Variants in EXD3 observed in about 807,000 individuals in gnomAD.
EXD3 encodes exonuclease 3'-5' domain containing 3, also known as exonuclease mut-7 homolog.
In EXD3, 92 loss-of-function variants were observed where a neutral mutation model predicts 98.0. The observed-to-expected ratio is 0.94, with a 90% CI of 0.79 to 1.12. The LOEUF is 1.12. EXD3 is among the 50% of genes most tolerant of loss of function. The pLI is 0.00. For synonymous variants in EXD3, 569 were observed against 526.0 expected, an observed-to-expected ratio of 1.08 and a Z score of -1.12; for missense variants, 1,222 against 1,191.6, an observed-to-expected ratio of 1.03 and a Z score of -0.38.
chr9:137,378,565 G>C (rs1554729826), intron 3 of EXD3, among the ~76,000 whole-genome samples: 1 of 152,186 alleles, frequency 6.6e-6, no homozygotes, highest in East Asian at 1.9e-4. Context: ...TGAATTTTCA[G>C]AGAAGTACTT....
chr9:137,370,564 G>T (rs566427272), intron 5 of EXD3, among the ~76,000 whole-genome samples: 1 of 150,632 alleles, frequency 6.6e-6, no homozygotes, highest in Non-Finnish European at 1.5e-5. Context: ...GGGTGGGGCT[G>T]TAGAAACCTC....
At chr9:137,309,423 CCCTGGCTGTGGTTTTTCCACCTGTTGTCA>C (rs1326236443) in intron 20 of EXD3, among the ~76,000 whole-genome samples, 155 bp downstream of exon 20, 11 of 152,302 alleles carry the variant, frequency 7.2e-5, no homozygotes, top group East Asian at 5.8e-4. Context: ...GGGTACCTGA[CCCTGGCTGTGGTTTTTCCACCTGTTGTCA>C]CCTGGCTGTG....
At position 137,403,906 on chromosome 9, in the gene EXD3, G is replaced by A. The variant is rs967512486; in HGVS notation, c.-47-8502C>T. On this transcript the variant is annotated intron_variant, in intron 1 of 21. Coordinates refer to ENST00000340951, the MANE Select transcript of EXD3 (RefSeq NM_017820.5). This position sits in a 1 kb window ranked among gnomAD's most constrained non-coding sequence, Gnocchi z 6.1. ...CGAGGCGGGGCAGTCACACCCCCACGCCATCTCTGCATAGACCCCGAAGGA... is the reference window on the plus strand; with the variant it reads ...CGAGGCGGGGCAGTCACACCCCCACACCATCTCTGCATAGACCCCGAAGGA... Among the ~76,000 whole-genome samples, 5 of 152,140 alleles carry A rather than the reference G, an allele frequency of 3.3e-5. No individual in the cohort carries two copies. Among genetic ancestry groups the A allele is most frequent in the Admixed American group, 2.0e-4 (3 of 15,276 alleles).
At chr9:137,330,513 CGCAGGACCACACAGGAGCTAT>C (rs1564482033) in intron 17 of EXD3, among the ~76,000 whole-genome samples, 118 of 143,478 alleles carry the variant, frequency 8.2e-4, no homozygotes, top group East Asian at 1.7e-3. Flanking sequence ...CACAGGACTA[CGCAGGACCACACAGGAGCTAT>C]ACAGGAGCTA....
At chr9:137,390,019 A>G (rs11522294) in intron 2 of EXD3, among the ~76,000 whole-genome samples, 69,713 of 148,658 alleles carry the variant, frequency 0.47, 16,400 homozygotes, top group Middle Eastern at 0.52. Flanking sequence ...CTACTCAGGA[A>G]GCTGAGGCAG....
intron 17 of EXD3, among the ~76,000 whole-genome samples, chr9:137,333,617 G>A (rs1272203591): frequency 1.3e-5 from 2 of 152,078 alleles, no homozygotes; most frequent in Non-Finnish European, 2.9e-5. Flanking sequence ...GTCCTTGCCT[G>A]GTCGTTTAAA....
chr9:137,417,914 G>A (rs764083504), intron 1 of EXD3, among the ~76,000 whole-genome samples: 40 of 152,148 alleles, frequency 2.6e-4, no homozygotes, highest in Non-Finnish European at 4.9e-4. Context: ...TGGCGGGGCC[G>A]GAGGGGGTGA....
At position 137,348,223 on chromosome 9, in the gene EXD3, C is replaced by T; in HGVS notation, c.1846G>A (p.Ala616Thr). Residue 616 changes from alanine (A) to threonine (T), a missense_variant, in exon 17 of 22, where the codon GCT (alanine) becomes ACT (threonine). By Grantham distance (58) the Ala-to-Thr change is moderately conservative (BLOSUM62 0). Coordinates refer to ENST00000340951, the MANE Select transcript of EXD3 (RefSeq NM_017820.5). ...AAPRQVPVAVAVSEGAAPQIP... is the reference protein window; with the variant it reads ...AAPRQVPVAVTVSEGAAPQIP... ...TGAGGGGCAGCGCCCTCAGACACAG[C>T]CACAGCCACAGGGACCTGCAGTGAG... The T allele has an allele frequency of 1.9e-6, 3 of 1,611,382 alleles. No individual in the cohort carries two copies. Among genetic ancestry groups the T allele is most frequent in the Non-Finnish European group, 2.5e-6 (3 of 1,179,464 alleles).
intron 8 of EXD3, among the ~76,000 whole-genome samples, chr9:137,355,730 G>GGAGGAAGGAGGAAGGAGGA (rs1491398803): frequency 6.6e-6 from 1 of 151,630 alleles, no homozygotes. Context: ...AAGGAGGAAG[G>GGAGGAAGGAGGAAGGAGGA]AGGACCTAGA....
chr9:137,312,230 AC>A (rs1266869262), intron 19 of EXD3, among the ~76,000 whole-genome samples: 1 of 142,320 alleles, frequency 7.0e-6, no homozygotes, highest in East Asian at 2.4e-4. Context: ...CCTCCACCCC[AC>A]CCCCTCCAGT....
At chr9:137,354,625 A>G in intron 9 of EXD3, 75 bp downstream of exon 9, 1 of 1,593,870 alleles carries the variant, frequency 6.3e-7, no homozygotes, top group Middle Eastern at 1.7e-4. Context: ...TGCAGTGCGC[A>G]GTGAGTATCC....
chr9:137,391,611 G>C (rs998761246), intron 2 of EXD3, among the ~76,000 whole-genome samples: 9 of 138,890 alleles, frequency 6.5e-5, no homozygotes, highest in African/African-American at 2.5e-4. Context: ...TGGAGCTGCT[G>C]CCTCTGCCAG....
Position 137,395,468 on chromosome 9 carries a change from C to G in EXD3, c.-47-64G>C. 1 of 1,485,164 alleles carries G rather than the reference C, an allele frequency of 6.7e-7. No individual in the cohort carries two copies. Among genetic ancestry groups the G allele is most frequent in the Non-Finnish European group, 9.2e-7 (1 of 1,083,332 alleles). The allele number at this position is 1,485,164 out of a possible 1,614,324, so 92.0% of individuals were successfully genotyped here. A position where few individuals can be genotyped will look rare whatever the true frequency, so the allele number is the denominator to read the frequency against. Reference sequence around the variant, plus strand: ...GCAACAGGCAGCCATGCAGAGCCCACGCCCACAGCCCCTGGAGGTGGTGGA... The same window carrying G: ...GCAACAGGCAGCCATGCAGAGCCCAGGCCCACAGCCCCTGGAGGTGGTGGA... On this transcript the variant is annotated intron_variant, in intron 1 of 21. Coordinates refer to ENST00000340951, the MANE Select transcript of EXD3 (RefSeq NM_017820.5). This position sits in a 1 kb window ranked among gnomAD's most constrained non-coding sequence, Gnocchi z 6.5.
intron 2 of EXD3, among the ~76,000 whole-genome samples, chr9:137,394,139 G>A (rs1369479862): frequency 6.6e-6 from 1 of 150,962 alleles, no homozygotes; most frequent in East Asian, 2.0e-4. Flanking sequence ...CAGCCTCCCA[G>A]CCTCCATTTC....
chr9:137,352,012 G>A (rs1834332178), intron 12 of EXD3, 54 bp downstream of exon 12: 1 of 1,555,446 alleles, frequency 6.4e-7, no homozygotes, highest in African/African-American at 1.4e-5. Context: ...CTCCTCCAGT[G>A]CCTGGCAGGG....
At chr9:137,375,434 G>C (rs1022591781) in intron 3 of EXD3, among the ~76,000 whole-genome samples, 19 of 152,162 alleles carry the variant, frequency 1.2e-4, no homozygotes, top group African/African-American at 4.6e-4. Flanking sequence ...GTGAGTTACA[G>C]TTCTAGTGAG....
At chr9:137,330,414 A>AG (rs1265786262) in intron 17 of EXD3, among the ~76,000 whole-genome samples, 1 of 124,406 alleles carries the variant, frequency 8.0e-6, no homozygotes. Context: ...GCTCCACAGG[A>AG]CTACACAGGA....
rs1832253670 is a variant in EXD3, at chr9:137,324,150, G to A, written c.1999-7C>T. 1.3e-6 allele frequency: 2 copies of A among 1,572,350 alleles called. No individual in the cohort carries two copies. The highest frequency in any genetic ancestry group is 1.7e-6 in the Non-Finnish European group (2 of 1,159,480). On this transcript the variant is annotated splice_region_variant and splice_polypyrimidine_tract_variant and intron_variant, in intron 17 of 21. Coordinates refer to ENST00000340951, the MANE Select transcript of EXD3 (RefSeq NM_017820.5). This position sits in a 1 kb window ranked among gnomAD's most constrained non-coding sequence, Gnocchi z 4.1. ...TCCCCTCCTGCCTGGCAACCTGTGT[G>A]GGAGGTGCGACCAGCACATAAAGGG...
chr9:137,320,509 A>G (rs966684797), intron 19 of EXD3, among the ~76,000 whole-genome samples: 2 of 152,296 alleles, frequency 1.3e-5, no homozygotes, highest in African/African-American at 2.4e-5. Flanking sequence ...TTGCCACAGC[A>G]GGGGCAGCTT....
Sources: allele counts gnomAD v4.1 joint callset (sites outside exome capture counted in the v4.1 genomes callset), GRCh38; gene constraint gnomAD v4.1.1; non-coding constraint Gnocchi (gnomAD v3.1); transcripts MANE v1.5; gene names NCBI Gene and HGNC (gene_info 2026-07-23, HGNC 2026-07-21).